Variants in NARF observed in about 807,000 individuals in gnomAD.
The protein encoded by NARF is iron-only hydrogenase-like protein 2.
Under a neutral mutation model 48.0 loss-of-function variants are expected in NARF, and 41 were observed. That is an observed-to-expected ratio of 0.85 (90% CI 0.66 to 1.11). The LOEUF (loss-of-function observed/expected upper bound fraction) is 1.11. NARF is among the 50% of genes least tolerant of loss of function. The probability of loss-of-function intolerance (pLI) is 0.00; values close to 1 mark genes in which losing one functional copy is unlikely to be tolerated. For missense variants in NARF, 613 were observed against 590.2 expected (o/e 1.04, Z -0.40); for synonymous variants, 215 against 225.5 (o/e 0.95, Z 0.42).
At chr17:82,479,836 T>A (rs1304515378) in intron 6 of NARF, 1 of 152,262 alleles carries the variant, frequency 6.6e-6, no homozygotes, top group Admixed American at 6.5e-5. Flanking sequence ...ATAAACATGA[T>A]GTCAGAGTAT....
chr17:82,472,778 T>G, intron 5 of NARF, 80 bp downstream of exon 5: 1 of 1,523,002 alleles, frequency 6.6e-7, no homozygotes, highest in African/African-American at 1.4e-5. Context: ...TAGATGAGGT[T>G]GGAGGCAGAC....
intron 2 of NARF, chr17:82,464,010 C>T (rs2043500683): frequency 2.8e-6 from 1 of 354,978 alleles, no homozygotes; most frequent in African/African-American, 2.1e-5. Flanking sequence ...CATTTACTTC[C>T]TACCACGTGA....
At chr17:82,461,437 C>A (rs935891957) in intron 2 of NARF, among the ~76,000 whole-genome samples, 1 of 152,108 alleles carries the variant, frequency 6.6e-6, no homozygotes, top group Non-Finnish European at 1.5e-5. Flanking sequence ...CATAGATAAA[C>A]CCCATCTCTA....
intron 4 of NARF, among the ~76,000 whole-genome samples, chr17:82,471,013 A>G (rs2043687521): frequency 6.6e-6 from 1 of 151,300 alleles, no homozygotes; most frequent in African/African-American, 2.4e-5. Context: ...AAATACAAAA[A>G]TTAGCCTGGC....
At chr17:82,477,298 G>C (rs71370222) in intron 5 of NARF, among the ~76,000 whole-genome samples, 1 of 151,996 alleles carries the variant, frequency 6.6e-6, no homozygotes, top group Admixed American at 6.6e-5. Flanking sequence ...GAGGTCAAGA[G>C]TTCGAGACCA....
chr17:82,484,142 A>G (rs1048180873), intron 8 of NARF: 3 of 198,250 alleles, frequency 1.5e-5, no homozygotes, highest in Non-Finnish European at 3.1e-5. Context: ...CGTGTGGTCT[A>G]TGGGGCAGTG....
At chr17:82,459,963 C>T in intron 1 of NARF, 29 bp from the exon 2 acceptor site, 7 of 1,563,768 alleles carry the variant, frequency 4.5e-6, no homozygotes, top group South Asian at 1.1e-5. Flanking sequence ...AGTAAAAGTT[C>T]ATTGATAATG....
In NARF at chr17:82,468,778, A is replaced by G; in HGVS notation, c.267A>G (p.Ser89=). ...VLNLNKKCDT[S]KHKVLVVSVC... is the part of the protein sequence containing the mutation. ...TCTCCTTCTAGAAATGTGATACCTC[A>G]AAGCACAAAGTGCTGGTAGTGTCTG... The change falls in exon 4 of 11, where the codon TCA becomes TCG. Residue 89 remains serine (S), a synonymous_variant. Transcript: ENST00000309794. 6.2e-7 allele frequency: 1 copy of G among 1,613,784 alleles called. No individual in the cohort carries two copies. The highest frequency in any genetic ancestry group is 1.7e-5 in the Admixed American group (1 of 59,980).
chr17:82,458,670 C>T (rs1004138222), upstream of NARF: 3 of 1,225,542 alleles, frequency 2.4e-6, no homozygotes, highest in Non-Finnish European at 3.2e-6. Flanking sequence ...TCTCATTGGC[C>T]GAGCGCGGCC....
chr17:82,460,357 C>A, intron 2 of NARF: 1 of 221,480 alleles, frequency 4.5e-6, no homozygotes, highest in Non-Finnish European at 9.1e-6. Context: ...CCCAGCTACT[C>A]AGGAGGCTGA....
intron 5 of NARF, 132 bp from the exon 6 acceptor site, chr17:82,478,668 G>T (rs2043889872): frequency 1.1e-6 from 1 of 947,382 alleles, no homozygotes; most frequent in Non-Finnish European, 1.7e-6. Context: ...CGAGCTCCTG[G>T]TAAGGCCTGG....
At position 82,464,483 on chromosome 17, in the gene NARF, G is replaced by A; in HGVS notation, c.252+53G>A. 4 of 1,567,774 alleles carry A rather than the reference G, an allele frequency of 2.6e-6. No homozygotes were observed. In the South Asian group the frequency reaches 4.7e-5, roughly 19 times the overall value. ...CTGGGGAGCTGACCTGGAGGAAGTG[G>A]AGGTGAGGCCTGGCTTCCTGCACAG... is the stretch of plus-strand genomic sequence containing the variant. On this transcript the variant is annotated intron_variant, in intron 3 of 10. Transcript: ENST00000309794.
chr17:82,490,405 C>T lies in NARF; in HGVS notation c.*2248C>T, dbSNP rs1567951395. ...TGTGCACCTGTCTTGTCAATAACTG[C>T]ATATATTGTGTTGCGTTGCCTGTCT... On this transcript the variant is annotated 3_prime_UTR_variant, in exon 11 of 11. Transcript: ENST00000309794. The T allele has an allele frequency of 1.3e-5, 2 of 152,362 alleles. No individual in the cohort carries two copies. Among genetic ancestry groups the T allele is most frequent in the Admixed American group, 1.3e-4 (2 of 15,290 alleles). The allele number at this position is 152,362 out of a possible 1,614,324, so 9.4% of individuals were successfully genotyped here. A position where few individuals can be genotyped will look rare whatever the true frequency, so the allele number is the denominator to read the frequency against.
chr17:82,462,152 C>A (rs1410390575), intron 2 of NARF, among the ~76,000 whole-genome samples: 1 of 152,184 alleles, frequency 6.6e-6, no homozygotes, highest in African/African-American at 2.4e-5. Flanking sequence ...TGTACACAGC[C>A]TAAGTGGGCG....
At chr17:82,465,180 T>G (rs2043535028) in intron 3 of NARF, among the ~76,000 whole-genome samples, 1 of 152,048 alleles carries the variant, frequency 6.6e-6, no homozygotes, top group Admixed American at 6.6e-5. Flanking sequence ...CCAGATCTTG[T>G]GAGGACTCAC....
intron 2 of NARF, chr17:82,462,910 A>G (rs2043473041): frequency 6.6e-6 from 1 of 152,354 alleles, no homozygotes; most frequent in Non-Finnish European, 1.5e-5. Flanking sequence ...GTGGAGGCAC[A>G]ATTCATGCAG....
chr17:82,474,318 T>C (rs992656737), intron 5 of NARF, among the ~76,000 whole-genome samples: 1 of 152,228 alleles, frequency 6.6e-6, no homozygotes, highest in Non-Finnish European at 1.5e-5. Context: ...TACATTGATA[T>C]TCAGATACTC....
rs1485358696 is a variant in NARF at position 82,488,921 on chromosome 17, T to TGGGGTTGTTA, written c.*768_*777dup. 2 of 152,314 alleles carry TGGGGTTGTTA rather than the reference T, an allele frequency of 1.3e-5. No homozygotes were observed. Among genetic ancestry groups the TGGGGTTGTTA allele is most frequent in the Non-Finnish European group, 2.9e-5 (2 of 68,120 alleles). 9.4% of individuals were successfully genotyped at this position (152,314 alleles called of 1,614,324 possible). A position where few individuals can be genotyped will look rare whatever the true frequency, so the allele number is the denominator to read the frequency against. On this transcript the variant is annotated 3_prime_UTR_variant, in exon 11 of 11. Transcript: ENST00000309794. Reference sequence around the variant, plus strand: ...CTGTGCCTGTGGACTCCTGTGGCCCTGGGGTTGTTAGGGCAGGCAGTCCAC... The same window carrying TGGGGTTGTTA: ...CTGTGCCTGTGGACTCCTGTGGCCCTGGGGTTGTTAGGGGTTGTTAGGGCAGGCAGTCCAC...
chr17:82,477,383 A>T (rs181786059), intron 5 of NARF, among the ~76,000 whole-genome samples: 128 of 151,998 alleles, frequency 8.4e-4, no homozygotes, highest in African/African-American at 2.8e-3. Flanking sequence ...GCACACTTGT[A>T]GTCCCAGCTG....
Sources: gnomAD v4.1 joint callset for allele counts (sites outside exome capture counted in the v4.1 genomes callset) on GRCh38, gnomAD v4.1.1 for gene constraint, MANE v1.5 for transcripts, NCBI Gene and HGNC (gene_info 2026-07-23, HGNC 2026-07-21) for gene names.